Variants in GAB2 observed in about 807,000 individuals in gnomAD.
The protein encoded by GAB2 is GRB2 associated binding protein 2.
In GAB2, 26 loss-of-function variants were observed where a neutral mutation model predicts 65.5. The observed-to-expected ratio is 0.40, with a 90% CI of 0.29 to 0.55. The LOEUF (loss-of-function observed/expected upper bound fraction) is 0.55. Among genes scored for constraint, GAB2 ranks in the 20% least tolerant of loss-of-function variants. The probability of loss-of-function intolerance (pLI) is 0.53; values close to 1 mark genes in which losing one functional copy is unlikely to be tolerated. For synonymous variants in GAB2, 321 were observed against 329.6 expected, an observed-to-expected ratio of 0.97 and a Z score of 0.28; for missense variants, 884 against 875.8, an observed-to-expected ratio of 1.01 and a Z score of -0.12.
Position 78,250,208 on chromosome 11 carries a change from T to C in GAB2, c.569A>G (p.Gln190Arg), listed in dbSNP as rs1323699566. 6.2e-7 allele frequency: 1 copy of C among 1,613,418 alleles called. No individual in the cohort carries two copies. Among genetic ancestry groups the C allele is most frequent in the Non-Finnish European group, 8.5e-7 (1 of 1,179,886 alleles). ...GCACTGGTGCAAGTAGAGATACTCC[T>C]GAGGTGCGCTGGTGGACAAGGTGGG... is the stretch of plus-strand genomic sequence containing the variant. ...MQPTLSTSAP[Q>R]EYLYLHQCIS... Residue 190 changes from glutamine to arginine, a missense_variant, in exon 3 of 10, where the codon CAG becomes CGG. Gln to Arg is a conservative substitution (Grantham distance 43). Transcript: ENST00000361507.
At chr11:78,351,174 C>CAT (rs746083187) in intron 1 of GAB2, among the ~76,000 whole-genome samples, 9 of 152,190 alleles carry the variant, frequency 5.9e-5, no homozygotes, top group Admixed American at 2.0e-4. Context: ...TTTCACATGT[C>CAT]ATAGCCTAGT....
rs201328600 is a variant in GAB2, at chr11:78,382,382, TA to T, written c.75+35263del. 5.2e-3 allele frequency among the ~76,000 whole-genome samples: 787 copies of T among 150,840 alleles called. 8 individuals are homozygous for T. Among genetic ancestry groups the T allele is most frequent in the African/African-American group, 0.018 (735 of 40,638 alleles). ...GGAGCAATATTCTTTTTTTTATTAT[TA>T]TTTTTTTTTTTTTGAGACAGAGTCT... On this transcript the variant is annotated intron_variant, in intron 1 of 9. Coordinates refer to ENST00000361507, the MANE Select transcript of GAB2 (RefSeq NM_080491.3).
rs773687321 is a variant in GAB2, at chr11:78,250,229, G to A, written c.548C>T (p.Thr183Ile). The change falls in exon 3 of 10, where the codon ACC becomes ATC. Residue 183 changes from threonine (T) to isoleucine (I), a missense_variant. Physicochemically the swap from Thr to Ile is moderately conservative, Grantham distance 89 (BLOSUM62 -1). Transcript: ENST00000361507. ...CTCCTGAGGTGCGCTGGTGGACAAG[G>A]TGGGCTGCATGTGGTTTGACACAGG... Reference protein sequence around the residue: ...EPPVSNHMQPTLSTSAPQEYL... With the variant: ...EPPVSNHMQPILSTSAPQEYL... 2 of 1,613,500 alleles carry A rather than the reference G, an allele frequency of 1.2e-6. No individual in the cohort carries two copies. The highest frequency in any genetic ancestry group is 1.1e-5 in the South Asian group (1 of 90,994).
chr11:78,404,373 C>T lies in GAB2; in HGVS notation c.75+13273G>A, dbSNP rs145642780. On this transcript the variant is annotated intron_variant, in intron 1 of 9. Transcript: ENST00000361507. ...GCCTGGGCAACATAGTGAGCCCTCACCTCTGCAAAAAATAAAACAAAAAAT... is the reference window on the plus strand; with the variant it reads ...GCCTGGGCAACATAGTGAGCCCTCATCTCTGCAAAAAATAAAACAAAAAAT... Among the ~76,000 whole-genome samples, 727 of 152,234 alleles carry T rather than the reference C, an allele frequency of 4.8e-3. 5 individuals carry two copies. The highest frequency in any genetic ancestry group is 0.017 in the African/African-American group (703 of 41,538).
chr11:78,331,173 T>C (rs1256780799), intron 1 of GAB2, among the ~76,000 whole-genome samples: 2 of 151,060 alleles, frequency 1.3e-5, no homozygotes, highest in Non-Finnish European at 2.9e-5. Flanking sequence ...AGACACCGTC[T>C]CAAAAAATAA....
At chr11:78,342,382 T>C (rs1282173001) in intron 1 of GAB2, among the ~76,000 whole-genome samples, 1 of 149,202 alleles carries the variant, frequency 6.7e-6, no homozygotes, top group Non-Finnish European at 1.5e-5. Context: ...CTCCCTCCTC[T>C]AAACCCCTTC....
At chr11:78,259,454 A>C (rs752784180) in intron 2 of GAB2, among the ~76,000 whole-genome samples, 10 of 152,148 alleles carry the variant, frequency 6.6e-5, no homozygotes, top group Non-Finnish European at 1.3e-4. Flanking sequence ...ACTGAAAAAC[A>C]AGGAACATAT....
chr11:78,265,429 C>T (rs4415799), intron 2 of GAB2, among the ~76,000 whole-genome samples: 88,200 of 151,796 alleles, frequency 0.58, 29,806 homozygotes, highest in Non-Finnish European at 0.78. Flanking sequence ...TCTCTAAGGA[C>T]GCTTTGAGAT....
rs569210536 is a variant in GAB2 at position 78,375,750 on chromosome 11, T to C, written c.75+41896A>G. On this transcript the variant is annotated intron_variant, in intron 1 of 9. Coordinates refer to ENST00000361507, the MANE Select transcript of GAB2 (RefSeq NM_080491.3). ...TGATATAGCCTTCCATTTTCCCTCT[T>C]TGACTCACTGACTAATAAGTTACAG... Among the ~76,000 whole-genome samples, 180 of 152,312 alleles carry C rather than the reference T, an allele frequency of 1.2e-3. 1 individual carries two copies. The highest frequency in any genetic ancestry group is 4.1e-3 in the African/African-American group (170 of 41,584).
At chr11:78,322,451 C>G (rs935810967) in intron 1 of GAB2, among the ~76,000 whole-genome samples, 8 of 150,856 alleles carry the variant, frequency 5.3e-5, no homozygotes, top group Admixed American at 1.3e-4. Flanking sequence ...CAAAAATTGA[C>G]AAGTGGGACC....
At chr11:78,266,830 T>C (rs1200057094) in intron 2 of GAB2, among the ~76,000 whole-genome samples, 1 of 152,198 alleles carries the variant, frequency 6.6e-6, no homozygotes, top group Non-Finnish European at 1.5e-5. Flanking sequence ...TCTTATGCTC[T>C]TCTCTAACCC....
intron 1 of GAB2, among the ~76,000 whole-genome samples, chr11:78,399,141 T>C (rs1412338611): frequency 6.6e-6 from 1 of 152,208 alleles, no homozygotes; most frequent in African/African-American, 2.4e-5. Context: ...GGGTAATTAG[T>C]TGTAAAGAAT....
At chr11:78,238,537 T>TAAA (rs61625813) in intron 3 of GAB2, among the ~76,000 whole-genome samples, 6 of 134,994 alleles carry the variant, frequency 4.4e-5, no homozygotes, top group African/African-American at 1.6e-4. Context: ...TAAACTAGAT[T>TAAA]AAAAAAAAAA....
At chr11:78,250,124 C>G in intron 3 of GAB2, 33 bp downstream of exon 3, 3 of 1,609,978 alleles carry the variant, frequency 1.9e-6, no homozygotes, top group Non-Finnish European at 2.5e-6. Flanking sequence ...TGAGCGGTCA[C>G]TAACCCACCT....
chr11:78,299,251 T>C (rs908743901), intron 1 of GAB2, among the ~76,000 whole-genome samples: 1 of 152,226 alleles, frequency 6.6e-6, no homozygotes, highest in African/African-American at 2.4e-5. Flanking sequence ...AAATGTGAAC[T>C]TATGGGGGAA....
At chr11:78,300,907 C>T (rs1867000603) in intron 1 of GAB2, among the ~76,000 whole-genome samples, 2 of 152,024 alleles carry the variant, frequency 1.3e-5, no homozygotes, top group Non-Finnish European at 2.9e-5. Flanking sequence ...GTTGCCCAGG[C>T]TAGTCTCCAA....
chr11:78,224,091 AAAAT>A lies in GAB2; in HGVS notation c.1303-419_1303-416del, dbSNP rs1457685235. On this transcript the variant is annotated intron_variant, in intron 5 of 9. Transcript: ENST00000361507. ...AGTGAGACTCTGTTTCAAAAAATAA[AAAAT>A]AAAAAAAAGGAAGCAGAGTGGGAGA... Among the ~76,000 whole-genome samples the A allele has an allele frequency of 3.3e-5, 5 of 152,192 alleles. No homozygotes were observed. The South Asian group carries it at 8.3e-4, about 25-fold the overall frequency.
chr11:78,235,540 G>C (rs1452506784), intron 3 of GAB2, among the ~76,000 whole-genome samples: 1 of 152,064 alleles, frequency 6.6e-6, no homozygotes, highest in Admixed American at 6.6e-5. Context: ...TGCCTTTAAC[G>C]ATACCCAAGT....
chr11:78,336,319 T>G (rs1358968221), intron 1 of GAB2, among the ~76,000 whole-genome samples: 2 of 91,080 alleles, frequency 2.2e-5, no homozygotes, highest in African/African-American at 4.7e-5. Flanking sequence ...AGAGCGAGAC[T>G]GTCTCTCAAA....
Sources: gnomAD v4.1 joint callset for allele counts (sites outside exome capture counted in the v4.1 genomes callset) on GRCh38, gnomAD v4.1.1 for gene constraint, MANE v1.5 for transcripts, NCBI Gene and HGNC (gene_info 2026-07-23, HGNC 2026-07-21) for gene names.